DOCK5: variants seen among roughly 807,000 people sequenced by gnomAD.
The protein encoded by DOCK5 is dedicator of cytokinesis 5.
A neutral mutation model predicts 251.8 loss-of-function variants in DOCK5; 142 were observed. The observed-to-expected ratio is 0.56, with a 90% CI of 0.49 to 0.65. The LOEUF (loss-of-function observed/expected upper bound fraction) is 0.65, where lower values mean the gene tolerates loss of function less well. Among genes scored for constraint, DOCK5 ranks in the 30% least tolerant of loss-of-function variants. The pLI is 0.00. For synonymous variants in DOCK5, 842 were observed against 835.5 expected, an observed-to-expected ratio of 1.01 and a Z score of -0.13; for missense variants, 2,111 against 2,312.3, an observed-to-expected ratio of 0.91 and a Z score of 1.79.
chr8:25,357,438 G>A (rs938373283), intron 27 of DOCK5, among the ~76,000 whole-genome samples: 5 of 144,670 alleles, frequency 3.5e-5, no homozygotes, highest in African/African-American at 1.3e-4. Flanking sequence ...GAGTGCAGTG[G>A]CAGAATCTCG....
intron 18 of DOCK5, among the ~76,000 whole-genome samples, chr8:25,329,895 C>A: frequency 6.6e-6 from 1 of 152,168 alleles, no homozygotes. Context: ...ACACAGCAAG[C>A]ATGGGGCTCT....
intron 29 of DOCK5, 114 bp downstream of exon 29, chr8:25,363,255 G>A: frequency 1.2e-6 from 1 of 850,144 alleles, no homozygotes; most frequent in Non-Finnish European, 1.9e-6. Context: ...TCTGTAAAGT[G>A]AGGATCTTCC....
At chr8:25,384,483 A>G (rs1438689899) in intron 40 of DOCK5, among the ~76,000 whole-genome samples, 2 of 97,740 alleles carry the variant, frequency 2.0e-5, no homozygotes, top group Admixed American at 1.1e-4. Context: ...TTTTTGAGAC[A>G]GTGTCTCGCT....
In DOCK5 at chr8:25,413,568, T is replaced by C. The variant is rs1801665551; in HGVS notation, c.*2270T>C. Reference sequence around the variant, plus strand: ...GTGTGCCACACTCTACTTGCCGGGCTGCCATTAAAATAGAAAGATATAAAA... The same window carrying C: ...GTGTGCCACACTCTACTTGCCGGGCCGCCATTAAAATAGAAAGATATAAAA... On this transcript the variant is annotated 3_prime_UTR_variant, in exon 52 of 52. Transcript: ENST00000276440. 6.6e-6 allele frequency: 1 copy of C among 152,166 alleles called. No individual in the cohort carries two copies. The highest frequency in any genetic ancestry group is 2.1e-4 in the South Asian group (1 of 4,832). The allele number at this position is 152,166 out of a possible 1,614,324, so 9.4% of individuals were successfully genotyped here.
At chr8:25,378,454 T>A (rs1169262506) in intron 38 of DOCK5, among the ~76,000 whole-genome samples, 2 of 152,230 alleles carry the variant, frequency 1.3e-5, no homozygotes, top group Non-Finnish European at 1.5e-5. Flanking sequence ...AAACAATGAT[T>A]TTAAAAGATT....
chr8:25,368,340 A>T (rs920192019), intron 32 of DOCK5, 90 bp downstream of exon 32: 23 of 1,276,774 alleles, frequency 1.8e-5, no homozygotes, highest in Non-Finnish European at 2.3e-5. Context: ...AATCCAGATA[A>T]CCCTGAGATG....
At chr8:25,321,565 T>C (rs1307832905) in intron 16 of DOCK5, among the ~76,000 whole-genome samples, 1 of 152,160 alleles carries the variant, frequency 6.6e-6, no homozygotes, top group African/African-American at 2.4e-5. Flanking sequence ...CTAGATCCCT[T>C]GCATGCACAG....
chr8:25,185,758 G>A (rs1801414559), intron 1 of DOCK5, among the ~76,000 whole-genome samples: 1 of 152,202 alleles, frequency 6.6e-6, no homozygotes, highest in African/African-American at 2.4e-5. Context: ...GTTGTGCGCA[G>A]GGGTTGCTGG....
intron 2 of DOCK5, among the ~76,000 whole-genome samples, chr8:25,264,260 C>T (rs1022099354): frequency 1.8e-4 from 27 of 151,336 alleles, no homozygotes; most frequent in South Asian, 2.1e-4. Context: ...TACCAGGGGT[C>T]GGGGTTGGGT....
At chr8:25,250,951 G>T (rs2117561144) in intron 2 of DOCK5, among the ~76,000 whole-genome samples, 1 of 152,234 alleles carries the variant, frequency 6.6e-6, no homozygotes, top group African/African-American at 2.4e-5. Flanking sequence ...CACTTTTTGA[G>T]TCAAGAGTGA....
rs2117356655 is a variant in DOCK5, at chr8:25,412,846, A to G, written c.*1548A>G. 1 of 152,322 alleles carries G rather than the reference A, an allele frequency of 6.6e-6. No homozygotes were observed. Among genetic ancestry groups the G allele is most frequent in the East Asian group, 1.9e-4 (1 of 5,184 alleles). The allele number at this position is 152,322 out of a possible 1,614,324, so 9.4% of individuals were successfully genotyped here. On this transcript the variant is annotated 3_prime_UTR_variant, in exon 52 of 52. Transcript: ENST00000276440. ...CACCCTTTCAGGAGAGAACTACACCAGTTCATCATGAGGGTCAGGGAAGCA... is the reference window on the plus strand; with the variant it reads ...CACCCTTTCAGGAGAGAACTACACCGGTTCATCATGAGGGTCAGGGAAGCA...
At chr8:25,270,895 A>G (rs747109488) in intron 3 of DOCK5, 17 of 678,142 alleles carry the variant, frequency 2.5e-5, no homozygotes, top group South Asian at 2.4e-4. Flanking sequence ...CCTCCCGTGT[A>G]CTTTAAATCA....
At position 25,244,457 on chromosome 8, in the gene DOCK5, A is replaced by T. The variant is rs75129141; in HGVS notation, c.127+700A>T. The stretch of plus-strand genomic sequence containing the variant: ...TTAATCCAAACCTCTGGAGCACAAC[A>T]AAAGCATAGCCAGGCCACTGAAGTT... On this transcript the variant is annotated intron_variant, in intron 2 of 51. Transcript: ENST00000276440. Among the ~76,000 whole-genome samples the T allele has an allele frequency of 4.2e-3, 641 of 152,320 alleles. 9 individuals are homozygous for T. Among genetic ancestry groups the T allele is most frequent in the African/African-American group, 0.015 (619 of 41,566 alleles).
chr8:25,372,734 C>G lies in DOCK5; in HGVS notation c.3684+16C>G. The G allele has an allele frequency of 6.2e-7, 1 of 1,606,080 alleles. No individual in the cohort carries two copies. Among genetic ancestry groups the G allele is most frequent in the African/African-American group, 1.3e-5 (1 of 74,802 alleles). ...GAACGTGCTGGTATGTGACATGCCT[C>G]CGGTGTGATGGGAGGGTACTGTCAG... On this transcript the variant is annotated intron_variant, in intron 35 of 51. Coordinates refer to ENST00000276440, the MANE Select transcript of DOCK5 (RefSeq NM_024940.8).
chr8:25,242,025 G>A (rs2117543291), intron 1 of DOCK5, among the ~76,000 whole-genome samples: 1 of 151,960 alleles, frequency 6.6e-6, no homozygotes, highest in Non-Finnish European at 1.5e-5. Flanking sequence ...CTAGGGGAGG[G>A]ATAGTATTAG....
chr8:25,275,344 T>C, intron 3 of DOCK5, 42 bp from the exon 4 acceptor site: 1 of 1,541,494 alleles, frequency 6.5e-7, no homozygotes, highest in Non-Finnish European at 8.8e-7. Flanking sequence ...TGGTTTTTGT[T>C]TTGTTTTTAT....
At chr8:25,291,987 C>CT (rs1327661787) in intron 5 of DOCK5, 37 bp from the exon 6 acceptor site, 3 of 1,501,944 alleles carry the variant, frequency 2.0e-6, no homozygotes, top group Non-Finnish European at 2.7e-6. Flanking sequence ...ACACCTTTTT[C>CT]TAAGAATCTT....
chr8:25,212,785 C>T lies in DOCK5; in HGVS notation c.43+27834C>T, dbSNP rs1314101098. 2.0e-4 allele frequency among the ~76,000 whole-genome samples: 14 copies of T among 68,932 alleles called. 4 individuals are homozygous for T. Among genetic ancestry groups the T allele is most frequent in the African/African-American group, 3.9e-4 (12 of 30,414 alleles). 45.2% of individuals were successfully genotyped at this position (68,932 alleles called of 152,430 possible). A position where few individuals can be genotyped will look rare whatever the true frequency, so the allele number is the denominator to read the frequency against. Reference sequence around the variant, plus strand: ...GCAAGGGAGGTCTGTGTCAGGCCAGCGTGATTCTAGATGGGGCTGACACCA... The same window carrying T: ...GCAAGGGAGGTCTGTGTCAGGCCAGTGTGATTCTAGATGGGGCTGACACCA... On this transcript the variant is annotated intron_variant, in intron 1 of 51. Transcript: ENST00000276440.
chr8:25,408,819 A>G lies in DOCK5; in HGVS notation c.5283A>G (p.Ala1761=), dbSNP rs765966603. 1.9e-6 allele frequency: 3 copies of G among 1,613,926 alleles called. No homozygotes were observed. In the African/African-American group the frequency reaches 4.0e-5, roughly 22 times the overall value. ...EPDLMSPTRK[A]QRPKSLQLMD... ...GGTCCTAGAGCCCAACCAGAAAAGC[A>G]CAAAGGCCAAAGAGTCTCCAGTTGA... Residue 1761 remains alanine (A), a synonymous_variant, in exon 50 of 52, where the codon GCA becomes GCG. Transcript: ENST00000276440.
Sources: gnomAD v4.1 joint callset for allele counts (sites outside exome capture counted in the v4.1 genomes callset) on GRCh38, gnomAD v4.1.1 for gene constraint, MANE v1.5 for transcripts, NCBI Gene and HGNC (gene_info 2026-07-23, HGNC 2026-07-21) for gene names.